NTM: variants seen among roughly 807,000 people sequenced by gnomAD.
NTM encodes the protein IgLON family member 2.
A neutral mutation model predicts 42.1 loss-of-function variants in NTM; 13 were observed. The ratio of observed to expected loss-of-function variants is 0.31; its 90% confidence interval spans 0.20 to 0.49. The LOEUF is 0.49. Ranked by LOEUF, NTM falls within the 20% of genes least tolerant of loss-of-function variation. NTM has a pLI of 0.99. For synonymous variants in NTM, 187 were observed against 179.2 expected (o/e 1.04, Z -0.35); for missense variants, 373 against 452.8 (o/e 0.82, Z 1.60).
At chr11:131,792,488 C>G (rs941615375) in intron 1 of NTM, among the ~76,000 whole-genome samples, 1 of 152,084 alleles carries the variant, frequency 6.6e-6, no homozygotes, top group East Asian at 1.9e-4. Flanking sequence ...CAAATTCCCA[C>G]TCTACACCTT....
intron 1 of NTM, among the ~76,000 whole-genome samples, chr11:131,673,939 A>G (rs1189768378): frequency 1.3e-5 from 2 of 152,234 alleles, no homozygotes; most frequent in Admixed American, 1.3e-4. Flanking sequence ...AGGCGGCACA[A>G]AGAGAAAGAG....
rs770800123 is a variant in NTM, at chr11:132,310,238, G to T, written c.782+6G>T. On this transcript the variant is annotated splice_donor_region_variant and intron_variant, in intron 6 of 8. Coordinates refer to ENST00000683400, the MANE Select transcript of NTM (RefSeq NM_001352005.2). ...TGGTACAAGGATGACAAAAGGTAAA[G>T]CTTCCTTCTTTCCTATCCCACCCCT... is the stretch of plus-strand genomic sequence containing the variant. 1 of 1,591,004 alleles carries T rather than the reference G, an allele frequency of 6.3e-7. No individual in the cohort carries two copies. The highest frequency in any genetic ancestry group is 8.5e-7 in the Non-Finnish European group (1 of 1,172,084).
intron 1 of NTM, among the ~76,000 whole-genome samples, chr11:131,655,136 G>A (rs73592244): frequency 6.6e-6 from 1 of 152,160 alleles, no homozygotes; most frequent in Non-Finnish European, 1.5e-5. Context: ...AAACAGGAGT[G>A]CAGGGTCCCA....
intron 2 of NTM, among the ~76,000 whole-genome samples, chr11:132,120,074 C>A (rs999127633): frequency 9.2e-5 from 14 of 152,194 alleles, no homozygotes; most frequent in Admixed American, 8.5e-4. Flanking sequence ...CTGAGCCCCC[C>A]GCTTGCCTTC....
intron 1 of NTM, among the ~76,000 whole-genome samples, chr11:131,880,127 G>T (rs2049237435): frequency 6.6e-6 from 1 of 152,160 alleles, no homozygotes; most frequent in Admixed American, 6.5e-5. Flanking sequence ...CAGCCATCTT[G>T]GCAAATGGCT....
chr11:132,083,252 C>A (rs1790182), intron 2 of NTM, among the ~76,000 whole-genome samples: 1 of 152,052 alleles, frequency 6.6e-6, no homozygotes, highest in South Asian at 2.1e-4. Context: ...AATGACAAAT[C>A]TATGATTAGC....
intron 2 of NTM, among the ~76,000 whole-genome samples, chr11:132,023,053 T>C (rs1234757792): frequency 6.6e-6 from 1 of 152,130 alleles, no homozygotes; most frequent in African/African-American, 2.4e-5. Context: ...GTTAAAAAAA[T>C]ACTATAGAGA....
chr11:131,597,697 G>C (rs967385569), intron 1 of NTM, among the ~76,000 whole-genome samples: 1 of 152,206 alleles, frequency 6.6e-6, no homozygotes, highest in African/African-American at 2.4e-5. Context: ...CCCAGAGTGA[G>C]GGGGAGGCAA....
intron 1 of NTM, among the ~76,000 whole-genome samples, chr11:131,815,417 T>C (rs1490318740): frequency 6.6e-6 from 1 of 152,130 alleles, no homozygotes; most frequent in Non-Finnish European, 1.5e-5. Context: ...CTAGCTGGGC[T>C]GTGCGCAAAG....
chr11:132,240,592 G>A (rs978580534), intron 4 of NTM, among the ~76,000 whole-genome samples: 2 of 152,228 alleles, frequency 1.3e-5, no homozygotes, highest in Admixed American at 1.3e-4. Context: ...TAGCTCTAGA[G>A]AGCAGCTGTT....
chr11:131,681,127 T>G (rs111211563), intron 1 of NTM, among the ~76,000 whole-genome samples: 1 of 50,758 alleles, frequency 2.0e-5, no homozygotes, highest in African/African-American at 5.3e-5. Context: ...GCGTGTGTGT[T>G]TCTGTGTATG....
At chr11:132,297,129 C>T (rs1228247149) in intron 4 of NTM, among the ~76,000 whole-genome samples, 1 of 152,120 alleles carries the variant, frequency 6.6e-6, no homozygotes, top group Non-Finnish European at 1.5e-5. Context: ...TGGTGTCTGC[C>T]CTCTCCATGC....
At chr11:131,523,145 A>T (rs137974712) in intron 1 of NTM, among the ~76,000 whole-genome samples, 9 of 152,342 alleles carry the variant, frequency 5.9e-5, no homozygotes, top group Non-Finnish European at 1.2e-4. Flanking sequence ...CTTTCTGCTA[A>T]GTGGCCAGGG....
intron 3 of NTM, among the ~76,000 whole-genome samples, chr11:132,169,336 T>C (rs1039485953): frequency 9.7e-6 from 1 of 103,404 alleles, no homozygotes; most frequent in African/African-American, 3.9e-5. Context: ...TTTTTTTTTT[T>C]TTTTTTTTTT....
intron 2 of NTM, among the ~76,000 whole-genome samples, chr11:132,045,716 C>G (rs1397744407): frequency 6.6e-6 from 1 of 152,116 alleles, no homozygotes; most frequent in East Asian, 1.9e-4. Flanking sequence ...TCAATAGCAG[C>G]GGGGTTGAGG....
At chr11:132,134,582 C>T (rs902390324) in intron 2 of NTM, among the ~76,000 whole-genome samples, 1 of 150,432 alleles carries the variant, frequency 6.6e-6, no homozygotes, top group East Asian at 2.0e-4. Context: ...ATATATATGA[C>T]TCATATGACA....
At chr11:131,931,166 G>A (rs1264330808) in intron 2 of NTM, among the ~76,000 whole-genome samples, 2 of 152,078 alleles carry the variant, frequency 1.3e-5, no homozygotes, top group Non-Finnish European at 1.5e-5. Flanking sequence ...TAGGTTCCTA[G>A]GCCAGGTGTG....
At chr11:132,304,991 A>G (rs947907773) in intron 4 of NTM, among the ~76,000 whole-genome samples, 3 of 152,190 alleles carry the variant, frequency 2.0e-5, no homozygotes, top group African/African-American at 4.8e-5. Context: ...GAGCCACCCA[A>G]CGTCCTTTCC....
At chr11:131,683,488 G>A (rs1592535496) in intron 1 of NTM, among the ~76,000 whole-genome samples, 1 of 152,378 alleles carries the variant, frequency 6.6e-6, no homozygotes, top group Middle Eastern at 3.4e-3. Context: ...GGAGCTGAGA[G>A]TGGAGGTGAA....
Sources: allele counts gnomAD v4.1 joint callset (sites outside exome capture counted in the v4.1 genomes callset), GRCh38; gene constraint gnomAD v4.1.1; transcripts MANE v1.5; gene names NCBI Gene and HGNC (gene_info 2026-07-23, HGNC 2026-07-21).